Variants in YPEL2 observed in about 807,000 individuals in gnomAD.
YPEL2 encodes the protein protein yippee-like 2.
A neutral mutation model predicts 19.1 loss-of-function variants in YPEL2; 2 were observed. That is an observed-to-expected ratio of 0.10 (90% CI 0.04 to 0.33). YPEL2 has a LOEUF of 0.33. Ranked by LOEUF, YPEL2 falls within the 10% of genes least tolerant of loss-of-function variation. The probability of loss-of-function intolerance (pLI) is 1.00; values close to 1 mark genes in which losing one functional copy is unlikely to be tolerated. For missense variants in YPEL2, 66 were observed against 140.7 expected, an observed-to-expected ratio of 0.47 and a Z score of 2.68; for synonymous variants, 52 against 50.0, an observed-to-expected ratio of 1.04 and a Z score of -0.17.
chr17:59,359,700 A>C (rs1598035706), intron 2 of YPEL2, among the ~76,000 whole-genome samples: 1 of 152,194 alleles, frequency 6.6e-6, no homozygotes, highest in East Asian at 1.9e-4. Context: ...AAATTCGAGT[A>C]TGTTTTAAGA....
At position 59,400,168 on chromosome 17, in the gene YPEL2, A is replaced by G. The variant is rs1057339294; in HGVS notation, c.*2978A>G. ...AAACACAGCCAAACTCGATACCCAC[A>G]AGCTGTCAGCTGAACCTGACTGAGT... On this transcript the variant is annotated 3_prime_UTR_variant, in exon 5 of 5. Transcript: ENST00000312655. 1 of 152,606 alleles carries G rather than the reference A, an allele frequency of 6.6e-6. No homozygotes were observed. Among genetic ancestry groups the G allele is most frequent in the African/African-American group, 2.4e-5 (1 of 41,440 alleles). The allele number at this position is 152,606 out of a possible 1,614,324, so 9.5% of individuals were successfully genotyped here.
intron 1 of YPEL2, among the ~76,000 whole-genome samples, chr17:59,348,191 T>G (rs2047766512): frequency 6.6e-6 from 1 of 152,160 alleles, no homozygotes; most frequent in African/African-American, 2.4e-5. Context: ...TCTTTTCCAG[T>G]CTTCACCTCC....
At chr17:59,368,275 G>C (rs927343319) in intron 2 of YPEL2, among the ~76,000 whole-genome samples, 8 of 152,098 alleles carry the variant, frequency 5.3e-5, no homozygotes, top group African/African-American at 1.9e-4. Context: ...GTAGAGATGA[G>C]GTTTCTCCAT....
chr17:59,395,076 G>A (rs867509574), intron 4 of YPEL2, among the ~76,000 whole-genome samples: 4 of 152,232 alleles, frequency 2.6e-5, no homozygotes, highest in Non-Finnish European at 5.9e-5. Context: ...GAGGGAGACC[G>A]TGGGGAGAGG....
intron 1 of YPEL2, among the ~76,000 whole-genome samples, chr17:59,346,972 TC>T (rs1278087269): frequency 1.3e-5 from 2 of 152,120 alleles, no homozygotes; most frequent in African/African-American, 4.8e-5. Context: ...CTAAGAGAGT[TC>T]CTGACACATG....
intron 2 of YPEL2, among the ~76,000 whole-genome samples, chr17:59,383,979 CAT>C (rs551070769): frequency 7.9e-5 from 12 of 152,150 alleles, no homozygotes; most frequent in African/African-American, 1.4e-4. Context: ...AAAACACTCT[CAT>C]ATAGGTTTTT....
At chr17:59,388,112 A>G (rs2047990028) in intron 2 of YPEL2, among the ~76,000 whole-genome samples, 1 of 152,174 alleles carries the variant, frequency 6.6e-6, no homozygotes, top group African/African-American at 2.4e-5. Context: ...GGCTAGTGAA[A>G]ACAGTCCGGT....
intron 2 of YPEL2, among the ~76,000 whole-genome samples, chr17:59,378,629 G>T (rs2047934161): frequency 6.6e-6 from 1 of 152,172 alleles, no homozygotes; most frequent in Non-Finnish European, 1.5e-5. Flanking sequence ...GAGCCACCGT[G>T]CCTGGCTGGA....
At chr17:59,341,384 T>C (rs2047729557) in intron 1 of YPEL2, among the ~76,000 whole-genome samples, 1 of 134,754 alleles carries the variant, frequency 7.4e-6, no homozygotes, top group African/African-American at 2.8e-5. Context: ...AGAGCGAGAC[T>C]CCGTCTCAAA....
chr17:59,334,388 T>C (rs1050694730), intron 1 of YPEL2, among the ~76,000 whole-genome samples: 2 of 121,488 alleles, frequency 1.6e-5, no homozygotes, highest in African/African-American at 5.3e-5. Context: ...ACTCTTTTTA[T>C]TTGGGGGGGG....
chr17:59,388,212 C>A, intron 2 of YPEL2, 115 bp from the exon 3 acceptor site: 2 of 984,952 alleles, frequency 2.0e-6, no homozygotes, highest in Non-Finnish European at 3.3e-6. Context: ...TGGCTCAGTA[C>A]TCCCTTTTGC....
At chr17:59,351,577 T>A (rs747438102) in intron 1 of YPEL2, among the ~76,000 whole-genome samples, 5 of 151,800 alleles carry the variant, frequency 3.3e-5, no homozygotes, top group African/African-American at 1.2e-4. Context: ...AGTTTATGTA[T>A]CTTTCGTCCT....
chr17:59,381,326 C>T (rs67973560), intron 2 of YPEL2, among the ~76,000 whole-genome samples: 46,595 of 152,034 alleles, frequency 0.31, 7,474 homozygotes, highest in Middle Eastern at 0.41. Flanking sequence ...TCTCTCTCTG[C>T]ACCTCCTGAG....
At chr17:59,348,915 AGT>A (rs2047771054) in intron 1 of YPEL2, among the ~76,000 whole-genome samples, 1 of 152,170 alleles carries the variant, frequency 6.6e-6, no homozygotes, top group Admixed American at 6.5e-5. Flanking sequence ...GGCTGGGCGC[AGT>A]GGCTCACGCC....
intron 1 of YPEL2, among the ~76,000 whole-genome samples, chr17:59,342,091 G>A (rs950301135): frequency 6.6e-6 from 1 of 152,246 alleles, no homozygotes; most frequent in Non-Finnish European, 1.5e-5. Context: ...AGATGTCAGA[G>A]TCTAGAGTTT....
At chr17:59,376,038 T>C (rs2047919240) in intron 2 of YPEL2, among the ~76,000 whole-genome samples, 1 of 152,206 alleles carries the variant, frequency 6.6e-6, no homozygotes, top group African/African-American at 2.4e-5. Flanking sequence ...TCAGTTCACA[T>C]GTGAAAGTGT....
rs779560751 is a variant in YPEL2, at chr17:59,397,206, C to T, written c.*16C>T. The T allele has an allele frequency of 3.2e-6, 5 of 1,581,398 alleles. No homozygotes were observed. The highest frequency in any genetic ancestry group is 4.3e-6 in the Non-Finnish European group (5 of 1,161,970). On this transcript the variant is annotated 3_prime_UTR_variant, in exon 5 of 5. Coordinates refer to ENST00000312655, the MANE Select transcript of YPEL2 (RefSeq NM_001005404.4). ...CTGGGACTGATTGGACAGCATCTACCCAACCCAGTGTCCACGTGAACGCCA... is the reference window on the plus strand; with the variant it reads ...CTGGGACTGATTGGACAGCATCTACTCAACCCAGTGTCCACGTGAACGCCA...
intron 3 of YPEL2, 73 bp downstream of exon 3, chr17:59,388,443 T>A: frequency 6.8e-7 from 1 of 1,470,118 alleles, no homozygotes; most frequent in South Asian, 1.1e-5. Context: ...TCCTTGGTGA[T>A]AATTAAACAA....
chr17:59,345,519 T>A (rs993743475), intron 1 of YPEL2, among the ~76,000 whole-genome samples: 1 of 152,150 alleles, frequency 6.6e-6, no homozygotes, highest in African/African-American at 2.4e-5. Context: ...GTAGAGTCAG[T>A]GTAGACCACA....
Sources: gnomAD v4.1 joint callset for allele counts (sites outside exome capture counted in the v4.1 genomes callset) on GRCh38, gnomAD v4.1.1 for gene constraint, MANE v1.5 for transcripts, NCBI Gene and HGNC (gene_info 2026-07-23, HGNC 2026-07-21) for gene names.